Variants in GNG4 observed in about 807,000 individuals in gnomAD.
The protein encoded by GNG4 is guanine nucleotide-binding protein G(I)/G(S)/G(O) subunit gamma-4.
GNG4 carries 4 observed loss-of-function variants against 5.8 expected under a neutral mutation model. That is an observed-to-expected ratio of 0.69 (90% CI 0.34 to 1.57). The LOEUF (loss-of-function observed/expected upper bound fraction) is 1.57, where lower values mean the gene tolerates loss of function less well. Ranked by LOEUF, GNG4 falls within the 40% of genes most tolerant of loss-of-function variation. The pLI is 0.06. For missense variants in GNG4, 96 were observed against 95.1 expected (o/e 1.01, Z -0.04); for synonymous variants, 29 against 32.9 (o/e 0.88, Z 0.41).
chr1:235,569,405 C>T (rs1687279928), intron 3 of GNG4, among the ~76,000 whole-genome samples: 3 of 150,016 alleles, frequency 2.0e-5, no homozygotes, highest in Admixed American at 1.3e-4. Flanking sequence ...CTGCAGTGAG[C>T]CAAGATCACG....
intron 1 of GNG4, among the ~76,000 whole-genome samples, chr1:235,625,629 T>A (rs575410422): frequency 6.6e-6 from 1 of 152,238 alleles, no homozygotes; most frequent in Non-Finnish European, 1.5e-5. Flanking sequence ...CCACTGATCT[T>A]TATACTGATT....
In GNG4 at chr1:235,547,995, A is replaced by C. The variant is rs889231719; in HGVS notation, c.*4114T>G. ...CACTAGGGTTGGTGAATACACTCCA[A>C]GTTGGGGGTGGAGTTGCAGCTCATT... On this transcript the variant is annotated 3_prime_UTR_variant, in exon 4 of 4. Transcript: ENST00000391854. The C allele has an allele frequency of 4.6e-5, 7 of 152,186 alleles. No homozygotes were observed. The highest frequency in any genetic ancestry group is 2.9e-5 in the Non-Finnish European group (2 of 68,024). 9.4% of individuals were successfully genotyped at this position (152,186 alleles called of 1,614,324 possible). A position where few individuals can be genotyped will look rare whatever the true frequency, so the allele number is the denominator to read the frequency against.
chr1:235,565,661 T>C (rs987566329), intron 3 of GNG4: 2 of 152,148 alleles, frequency 1.3e-5, no homozygotes, highest in African/African-American at 4.8e-5. Context: ...AGCTCAGGAG[T>C]TGAGAGCAGT....
At chr1:235,564,972 A>C (rs1011560647) in intron 3 of GNG4, among the ~76,000 whole-genome samples, 2 of 152,164 alleles carry the variant, frequency 1.3e-5, no homozygotes, top group Admixed American at 6.5e-5. Flanking sequence ...CGTGAGCCAC[A>C]GCGCCCAGCC....
Position 235,642,903 on chromosome 1 carries a change from C to T in GNG4, c.-123+6759G>A, listed in dbSNP as rs1657376942. Among the ~76,000 whole-genome samples, 1 of 152,068 alleles carries T rather than the reference C, an allele frequency of 6.6e-6. No individual in the cohort carries two copies. The highest frequency in any genetic ancestry group is 2.4e-5 in the African/African-American group (1 of 41,402). ...GTCATACACCCTCTCTCTACTTGCC[C>T]AGCTTCATTCACAAAACCAGGTCAC... is the stretch of plus-strand genomic sequence containing the variant. On this transcript the variant is annotated intron_variant, in intron 1 of 3. Transcript: ENST00000391854. The surrounding 1 kb of genome is among the most constrained non-coding windows in gnomAD (Gnocchi z 4.3).
chr1:235,593,244 G>A (rs1394567979), intron 2 of GNG4, among the ~76,000 whole-genome samples: 2 of 152,172 alleles, frequency 1.3e-5, no homozygotes, highest in African/African-American at 2.4e-5. Flanking sequence ...GCCTGCATCC[G>A]ACCATGCTCT....
chr1:235,610,641 G>A (rs1166198248), intron 1 of GNG4, among the ~76,000 whole-genome samples: 3 of 152,138 alleles, frequency 2.0e-5, no homozygotes, highest in Non-Finnish European at 4.4e-5. Context: ...TGTCTTTCTC[G>A]AATGTCTTTA....
rs1686727496 is a variant in GNG4 at position 235,550,894 on chromosome 1, C to T, written c.*1215G>A. On this transcript the variant is annotated 3_prime_UTR_variant, in exon 4 of 4. Transcript: ENST00000391854. ...TTAATGCACACCAATGCTCAGATGA[C>T]TTGGGGGCACATAGGGGACTGCTGT... 1 of 152,244 alleles carries T rather than the reference C, an allele frequency of 6.6e-6. No homozygotes were observed. Among genetic ancestry groups the T allele is most frequent in the Admixed American group, 6.5e-5 (1 of 15,284 alleles). The allele number at this position is 152,244 out of a possible 1,614,324, so 9.4% of individuals were successfully genotyped here. A position where few individuals can be genotyped will look rare whatever the true frequency, so the allele number is the denominator to read the frequency against.
intron 1 of GNG4, among the ~76,000 whole-genome samples, chr1:235,602,762 C>T (rs12140087): frequency 0.2 from 30,820 of 152,084 alleles, 3,707 homozygotes; most frequent in Non-Finnish European, 0.27. Context: ...ATGCTAGGCC[C>T]ACCAGATAGC....
At chr1:235,606,301 G>C (rs1425459070) in intron 1 of GNG4, among the ~76,000 whole-genome samples, 1 of 152,184 alleles carries the variant, frequency 6.6e-6, no homozygotes, top group Non-Finnish European at 1.5e-5. Context: ...AGAATCGCTT[G>C]AACCCAGGAG....
intron 1 of GNG4, among the ~76,000 whole-genome samples, chr1:235,645,398 C>A (rs1323471061): frequency 6.6e-6 from 1 of 152,200 alleles, no homozygotes; most frequent in African/African-American, 2.4e-5. Flanking sequence ...CTCAATTTTA[C>A]CTCTCTGTGT....
At chr1:235,567,615 T>C (rs994193713) in intron 3 of GNG4, among the ~76,000 whole-genome samples, 7 of 152,234 alleles carry the variant, frequency 4.6e-5, no homozygotes, top group African/African-American at 1.7e-4. Flanking sequence ...TCAAGGTTCA[T>C]TCATGTTGTC....
chr1:235,622,430 G>A (rs1304485274), intron 1 of GNG4, among the ~76,000 whole-genome samples: 4 of 152,204 alleles, frequency 2.6e-5, no homozygotes, highest in African/African-American at 9.6e-5. Context: ...AGAGTTAGAT[G>A]AGGCTGGGCG....
At position 235,648,966 on chromosome 1, in the gene GNG4, C is replaced by T. The variant is rs1163631142; in HGVS notation, c.-123+696G>A. Among the ~76,000 whole-genome samples the T allele has an allele frequency of 1.3e-5, 2 of 152,254 alleles. No individual in the cohort carries two copies. Among genetic ancestry groups the T allele is most frequent in the Non-Finnish European group, 2.9e-5 (2 of 68,036 alleles). On this transcript the variant is annotated intron_variant, in intron 1 of 3. Coordinates refer to ENST00000391854, the MANE Select transcript of GNG4 (RefSeq NM_001098722.2). This position sits in a 1 kb window ranked among gnomAD's most constrained non-coding sequence, Gnocchi z 5.0. ...GCTCTGTCCTCCTCCCCACTTCACCCTCCCGCCGTTTCGCGTTATTTCCAA... is the reference window on the plus strand; with the variant it reads ...GCTCTGTCCTCCTCCCCACTTCACCTTCCCGCCGTTTCGCGTTATTTCCAA...
rs34430706 is a variant in GNG4 at position 235,624,104 on chromosome 1, CTTT to C, written c.-123+25555_-123+25557del. ...GTACTTCAGTCTGTGTGGCCAATTC[CTTT>C]TTTTTTTTTTTTTGAGACGGAGTCT... On this transcript the variant is annotated intron_variant, in intron 1 of 3. Transcript: ENST00000391854. Among the ~76,000 whole-genome samples the C allele has an allele frequency of 2.4e-4, 34 of 138,846 alleles. 1 individual carries two copies. The highest frequency in any genetic ancestry group is 7.6e-4 in the African/African-American group (28 of 36,908). 91.1% of individuals were successfully genotyped at this position (138,846 alleles called of 152,430 possible).
At chr1:235,564,261 G>A (rs759010659) in intron 3 of GNG4, among the ~76,000 whole-genome samples, 2 of 152,086 alleles carry the variant, frequency 1.3e-5, no homozygotes, top group African/African-American at 2.4e-5. Flanking sequence ...CACCAGGAAC[G>A]AGAGACACAC....
chr1:235,563,521 T>C lies in GNG4; in HGVS notation c.100-11284A>G, dbSNP rs571352168. Among the ~76,000 whole-genome samples, 6 of 151,942 alleles carry C rather than the reference T, an allele frequency of 3.9e-5. No homozygotes were observed. In the East Asian group the frequency reaches 1.2e-3, roughly 29 times the overall value. On this transcript the variant is annotated intron_variant, in intron 3 of 3. Transcript: ENST00000391854. ...TTGATTGATTCACATCTATGAAATA[T>C]GAGGAAATTGGCTATACTGGACAAT...
intron 1 of GNG4, among the ~76,000 whole-genome samples, chr1:235,608,887 T>C (rs911423572): frequency 6.6e-6 from 1 of 152,160 alleles, no homozygotes; most frequent in African/African-American, 2.4e-5. Flanking sequence ...TTTTGCCATG[T>C]TGGCCAGGCT....
intron 1 of GNG4, among the ~76,000 whole-genome samples, chr1:235,599,521 T>G (rs2102960103): frequency 6.6e-6 from 1 of 152,122 alleles, no homozygotes; most frequent in Non-Finnish European, 1.5e-5. Flanking sequence ...TTCACCATGT[T>G]GGCCAGGCTG....
Sources: allele counts gnomAD v4.1 joint callset (sites outside exome capture counted in the v4.1 genomes callset), GRCh38; gene constraint gnomAD v4.1.1; non-coding constraint Gnocchi (gnomAD v3.1); transcripts MANE v1.5; gene names NCBI Gene and HGNC (gene_info 2026-07-23, HGNC 2026-07-21).